The following TET3 variants were observed in gnomAD, a reference collection of about 807,000 sequenced individuals.
The protein encoded by TET3 is tet methylcytosine dioxygenase 3.
TET3 carries 19 observed loss-of-function variants against 141.4 expected under a neutral mutation model. That is an observed-to-expected ratio of 0.13 (90% CI 0.09 to 0.20). The LOEUF is 0.20. Among genes scored for constraint, TET3 ranks in the 10% least tolerant of loss-of-function variants. The pLI, the probability that TET3 is intolerant of heterozygous loss-of-function variation, is 1.00. For synonymous variants in TET3, 1,043 were observed against 980.9 expected, an observed-to-expected ratio of 1.06 and a Z score of -1.18; for missense variants, 1,874 against 2,356.9, an observed-to-expected ratio of 0.80 and a Z score of 4.24.
intron 4 of TET3, among the ~76,000 whole-genome samples, chr2:74,068,528 A>T (rs1228423160): frequency 6.6e-6 from 1 of 152,200 alleles, no homozygotes; most frequent in Non-Finnish European, 1.5e-5. Context: ...GTTATTTCTG[A>T]TATTTTTCCA....
At chr2:74,048,466 C>T (rs1163695470) in intron 4 of TET3, 55 bp downstream of exon 4, 105 of 1,502,910 alleles carry the variant, frequency 7.0e-5, no homozygotes, top group Non-Finnish European at 9.8e-6. Flanking sequence ...GCCTGGTGAG[C>T]TAGGATTTCT....
At position 74,103,037 on chromosome 2, in the gene TET3, G is replaced by A. The variant is rs922661182; in HGVS notation, c.*861G>A. 2.6e-5 allele frequency: 4 copies of A among 152,240 alleles called. No individual in the cohort carries two copies. The highest frequency in any genetic ancestry group is 9.7e-5 in the African/African-American group (4 of 41,434). 9.4% of individuals were successfully genotyped at this position (152,240 alleles called of 1,614,324 possible). A position where few individuals can be genotyped will look rare whatever the true frequency, so the allele number is the denominator to read the frequency against. ...ATTTATGGAGTCACACGATGTCATG[G>A]TTCACTAGGCAGCACCTCACGCTGG... On this transcript the variant is annotated 3_prime_UTR_variant, in exon 12 of 12. Transcript: ENST00000409262.
At chr2:74,068,500 A>G (rs1006216260) in intron 4 of TET3, among the ~76,000 whole-genome samples, 9 of 152,364 alleles carry the variant, frequency 5.9e-5, no homozygotes, top group African/African-American at 2.2e-4. Flanking sequence ...TAACTAGTCC[A>G]TAATAATGGA....
At chr2:74,109,996 G>C (rs1691664499), downstream of TET3, among the ~76,000 whole-genome samples, 1 of 152,158 alleles carries the variant, frequency 6.6e-6, no homozygotes, top group South Asian at 2.1e-4. Flanking sequence ...AATAAGACAG[G>C]CTAATGATAC....
rs1417408645 is a variant in TET3 at position 74,046,485 on chromosome 2, C to T, written c.568C>T (p.His190Tyr). ...CTGGGAGGCTGCCCCAGGCCCAGCT[C>T]ATACTGCTCGCCTGGAAGATGCCCA... ...PDWEAAPGPAHTARLEDAHDL... is the reference protein window; with the variant it reads ...PDWEAAPGPAYTARLEDAHDL... Residue 190 changes from histidine (H) to tyrosine (Y), a missense_variant, in exon 4 of 12, where the codon CAT becomes TAT. Physicochemically the swap from His to Tyr is moderately conservative, Grantham distance 83 (BLOSUM62 2). This residue lies in a region of TET3 where 366 missense variants were observed against 487.0 expected (regional missense o/e 0.75). Coordinates refer to ENST00000409262, the MANE Select transcript of TET3 (RefSeq NM_001287491.2). This position sits in a 1 kb window ranked among gnomAD's most constrained non-coding sequence, Gnocchi z 4.3. 1 of 1,613,792 alleles carries T rather than the reference C, an allele frequency of 6.2e-7. No individual in the cohort carries two copies. The highest frequency in any genetic ancestry group is 2.2e-5 in the East Asian group (1 of 44,886).
intron 11 of TET3, among the ~76,000 whole-genome samples, chr2:74,100,024 C>T (rs556780172): frequency 1.4e-4 from 22 of 152,164 alleles, no homozygotes; most frequent in Non-Finnish European, 2.8e-4. Context: ...ATTCTCCTGG[C>T]CCTGGTCCCT....
At chr2:74,091,239 C>A (rs1690475041) in intron 8 of TET3, among the ~76,000 whole-genome samples, 1 of 152,122 alleles carries the variant, frequency 6.6e-6, no homozygotes, top group African/African-American at 2.4e-5. Context: ...ATGAATGGAG[C>A]CCTGGGGCTA....
intron 4 of TET3, among the ~76,000 whole-genome samples, chr2:74,069,291 G>T (rs1292242838): frequency 6.7e-6 from 1 of 150,072 alleles, no homozygotes. Flanking sequence ...AATGCCATTA[G>T]GTATCTTATG....
chr2:74,051,215 C>G (rs2103731694), intron 4 of TET3, among the ~76,000 whole-genome samples: 1 of 152,284 alleles, frequency 6.6e-6, no homozygotes, highest in African/African-American at 2.4e-5. Flanking sequence ...GATGAGGAGC[C>G]TCCACCAGAG....
the TET3 span, among the ~76,000 whole-genome samples, chr2:74,116,894 G>C: frequency 3.9e-5 from 6 of 152,200 alleles, no homozygotes; most frequent in Non-Finnish European, 8.8e-5. Context: ...CTGTGCATGA[G>C]ACACTCCAGG....
intron 2 of TET3, among the ~76,000 whole-genome samples, chr2:73,989,379 C>G (rs1263712540): frequency 6.6e-6 from 1 of 152,204 alleles, no homozygotes; most frequent in Admixed American, 6.5e-5. Context: ...CCTCTGGGCA[C>G]TCTTCCTTAC....
At chr2:73,986,833 T>A in intron 2 of TET3, 127 bp downstream of exon 2, 1 of 876,854 alleles carries the variant, frequency 1.1e-6, no homozygotes, top group Non-Finnish European at 1.5e-6. Context: ...GGTCCAACTT[T>A]AAGTAGGAGT....
intron 4 of TET3, among the ~76,000 whole-genome samples, chr2:74,063,824 C>T (rs570410527): frequency 2.0e-5 from 3 of 147,274 alleles, no homozygotes; most frequent in South Asian, 2.1e-4. Context: ...TTTGGGAGGC[C>T]GAAGTGGGAG....
the TET3 span, among the ~76,000 whole-genome samples, chr2:74,128,629 A>G: frequency 1.3e-5 from 2 of 152,116 alleles, no homozygotes; most frequent in Non-Finnish European, 2.9e-5. Context: ...CACTATCTTC[A>G]AAATTTTTCT....
chr2:74,123,681 C>T, the TET3 span, among the ~76,000 whole-genome samples: 1 of 152,170 alleles, frequency 6.6e-6, no homozygotes, highest in East Asian at 1.9e-4. Context: ...GCCACCACCC[C>T]GTCTGGGAAG....
intron 10 of TET3, among the ~76,000 whole-genome samples, chr2:74,094,442 G>C (rs1346106318): frequency 6.6e-6 from 1 of 152,170 alleles, no homozygotes; most frequent in Non-Finnish European, 1.5e-5. Flanking sequence ...AGGGTTGCGG[G>C]GTTTGCTCTA....
chr2:74,078,374 T>C (rs1243282630), intron 5 of TET3, among the ~76,000 whole-genome samples: 1 of 152,218 alleles, frequency 6.6e-6, no homozygotes, highest in Non-Finnish European at 1.5e-5. Context: ...AATATGTATA[T>C]AGAGAAGTTT....
chr2:74,128,992 TAAAA>T, the TET3 span, among the ~76,000 whole-genome samples: 13 of 77,924 alleles, frequency 1.7e-4, no homozygotes, highest in South Asian at 5.8e-3. Context: ...TGTCTCAATT[TAAAA>T]AAAAAAAAAA....
intron 4 of TET3, among the ~76,000 whole-genome samples, chr2:74,066,328 A>G (rs959869122): frequency 1.6e-4 from 24 of 152,222 alleles, no homozygotes; most frequent in Admixed American, 1.4e-3. Flanking sequence ...CATTTATTCA[A>G]TATATAAAAT....
Sources: gnomAD v4.1 joint callset for allele counts (sites outside exome capture counted in the v4.1 genomes callset) on GRCh38, gnomAD v4.1.1 for gene constraint, gnomAD v4.1.1 regional missense constraint, Gnocchi (gnomAD v3.1) non-coding constraint, MANE v1.5 for transcripts, NCBI Gene and HGNC (gene_info 2026-07-23, HGNC 2026-07-21) for gene names.